NFIB: variants seen among roughly 807,000 people sequenced by gnomAD.
NFIB encodes the protein nuclear factor I B.
A neutral mutation model predicts 61.5 loss-of-function variants in NFIB; 11 were observed. That is an observed-to-expected ratio of 0.18 (90% CI 0.11 to 0.30). The LOEUF (loss-of-function observed/expected upper bound fraction) is 0.30, where lower values mean the gene tolerates loss of function less well. NFIB is among the 10% of genes least tolerant of loss of function. The pLI is 1.00. For missense variants in NFIB, 471 were observed against 608.9 expected (o/e 0.77, Z 2.38); for synonymous variants, 260 against 216.5 (o/e 1.20, Z -1.76).
intron 2 of NFIB, among the ~76,000 whole-genome samples, chr9:14,189,565 T>G (rs1453604889): frequency 1.3e-5 from 2 of 150,186 alleles, no homozygotes; most frequent in African/African-American, 2.4e-5. Flanking sequence ...TTTAATGTTC[T>G]TTAAGGTTTA....
At chr9:14,285,022 T>C (rs768322647) in intron 2 of NFIB, among the ~76,000 whole-genome samples, 4 of 152,238 alleles carry the variant, frequency 2.6e-5, no homozygotes, top group Non-Finnish European at 5.9e-5. Flanking sequence ...AAAGACTGCT[T>C]AGTTTAAAAG....
chr9:14,476,116 ATCTG>A, the NFIB span, among the ~76,000 whole-genome samples: 2 of 152,198 alleles, frequency 1.3e-5, no homozygotes, highest in African/African-American at 4.8e-5. Context: ...TCAATAGTCT[ATCTG>A]TGAGAATTCT....
At chr9:14,218,227 C>A (rs2131804338) in intron 2 of NFIB, among the ~76,000 whole-genome samples, 1 of 152,312 alleles carries the variant, frequency 6.6e-6, no homozygotes, top group South Asian at 2.1e-4. Context: ...CAGACATTAT[C>A]ACCATATTGA....
chr9:14,438,536 A>T, the NFIB span, among the ~76,000 whole-genome samples: 5 of 152,206 alleles, frequency 3.3e-5, no homozygotes, highest in African/African-American at 9.6e-5. Flanking sequence ...CAAGTCAGAA[A>T]TCTTGCTGTG....
At chr9:14,339,660 C>G (rs1564017650) in intron 1 of NFIB, among the ~76,000 whole-genome samples, 1 of 152,190 alleles carries the variant, frequency 6.6e-6, no homozygotes, top group Non-Finnish European at 1.5e-5. Context: ...AGAACTAACA[C>G]TGACCCCAGC....
the NFIB span, among the ~76,000 whole-genome samples, chr9:14,444,076 A>G: frequency 6.6e-6 from 1 of 152,166 alleles, no homozygotes; most frequent in African/African-American, 2.4e-5. Context: ...TTCTAAGCAT[A>G]TTTATGATTT....
In NFIB at chr9:14,280,659, A is replaced by T. The variant is rs372589835; in HGVS notation, c.562+26330T>A. Among the ~76,000 whole-genome samples the T allele has an allele frequency of 5.3e-5, 8 of 152,314 alleles. No homozygotes were observed. In the East Asian group the frequency reaches 1.4e-3, roughly 26 times the overall value. On this transcript the variant is annotated intron_variant, in intron 2 of 10. Transcript: ENST00000380953. ...AGGGAATTCCACTTCCACAGGAGAC[A>T]ACGTTAGGCAAGGGGGGACTCAGGA...
At chr9:14,353,280 G>T (rs2061136014) in intron 1 of NFIB, among the ~76,000 whole-genome samples, 1 of 152,070 alleles carries the variant, frequency 6.6e-6, no homozygotes, top group African/African-American at 2.4e-5. Context: ...AAAGGGGAGG[G>T]ATATTAGAGG....
At position 14,213,794 on chromosome 9, in the gene NFIB, G is replaced by A. The variant is rs554599058; in HGVS notation, c.563-34014C>T. Reference sequence around the variant, plus strand: ...CTTTCCTGATACCCCAAGCTGCTGGGCTGAGTTTTATGTCCCTCATCTGTG... The same window carrying A: ...CTTTCCTGATACCCCAAGCTGCTGGACTGAGTTTTATGTCCCTCATCTGTG... On this transcript the variant is annotated intron_variant, in intron 2 of 10. Transcript: ENST00000380953. Among the ~76,000 whole-genome samples the A allele has an allele frequency of 7.9e-5, 12 of 152,216 alleles. No individual in the cohort carries two copies. In the South Asian group the frequency reaches 1.7e-3, roughly 21 times the overall value.
the NFIB span, among the ~76,000 whole-genome samples, chr9:14,446,620 G>A: frequency 6.6e-6 from 1 of 151,928 alleles, no homozygotes; most frequent in African/African-American, 2.4e-5. Flanking sequence ...ATAATAATAT[G>A]ACTTGAAAAC....
the NFIB span, among the ~76,000 whole-genome samples, chr9:14,436,909 A>G: frequency 6.6e-6 from 1 of 152,094 alleles, no homozygotes; most frequent in Non-Finnish European, 1.5e-5. Flanking sequence ...TAGAGATAAT[A>G]TATGAGCTGG....
At chr9:14,483,649 C>T in the NFIB span, among the ~76,000 whole-genome samples, 1 of 152,108 alleles carries the variant, frequency 6.6e-6, no homozygotes, top group Non-Finnish European at 1.5e-5. Context: ...ATTCTTAGCG[C>T]AGTACCCGGC....
At chr9:14,294,452 TC>T (rs2059294214) in intron 2 of NFIB, among the ~76,000 whole-genome samples, 1 of 152,230 alleles carries the variant, frequency 6.6e-6, no homozygotes, top group Admixed American at 6.5e-5. Flanking sequence ...AGACATCATA[TC>T]AAATCTTTCT....
chr9:14,304,655 A>T (rs1342778712), intron 2 of NFIB, among the ~76,000 whole-genome samples: 1 of 152,082 alleles, frequency 6.6e-6, no homozygotes, highest in Non-Finnish European at 1.5e-5. Context: ...CTCTTTTCTG[A>T]TTTTTCTTTC....
At chr9:14,217,008 T>C (rs1382003640) in intron 2 of NFIB, among the ~76,000 whole-genome samples, 1 of 152,224 alleles carries the variant, frequency 6.6e-6, no homozygotes, top group Non-Finnish European at 1.5e-5. Context: ...GTTTGAACAG[T>C]GTCTACTAGG....
chr9:14,252,967 A>AAGGG (rs373082936), intron 2 of NFIB, among the ~76,000 whole-genome samples: 2,339 of 137,346 alleles, frequency 0.017, 64 homozygotes, highest in African/African-American at 0.057. Context: ...GGAAGGAAGG[A>AAGGG]AGGGAGGGAG....
chr9:14,229,544 T>G (rs117484771), intron 2 of NFIB, among the ~76,000 whole-genome samples: 6 of 152,192 alleles, frequency 3.9e-5, no homozygotes, highest in Admixed American at 2.6e-4. Context: ...AAATAATGTA[T>G]GTAAAGTTTG....
intron 1 of NFIB, among the ~76,000 whole-genome samples, chr9:14,363,635 A>G (rs2061266449): frequency 8.1e-6 from 1 of 123,612 alleles, no homozygotes; most frequent in Non-Finnish European, 1.7e-5. Context: ...GTGTACATAT[A>G]CATATATATG....
At position 14,195,553 on chromosome 9, in the gene NFIB, T is replaced by G. The variant is rs181298399; in HGVS notation, c.563-15773A>C. Among the ~76,000 whole-genome samples, 683 of 152,340 alleles carry G rather than the reference T, an allele frequency of 4.5e-3. 4 individuals carry two copies. The highest frequency in any genetic ancestry group is 0.01 in the African/African-American group (418 of 41,564). ...CGACTTTTATTGTGTTGCCACTTCA[T>G]TCTTGTTTATTTAGGTTTCTTTATT... On this transcript the variant is annotated intron_variant, in intron 2 of 10. Transcript: ENST00000380953.
Sources: gnomAD v4.1 joint callset for allele counts (sites outside exome capture counted in the v4.1 genomes callset) on GRCh38, gnomAD v4.1.1 for gene constraint, MANE v1.5 for transcripts, NCBI Gene and HGNC (gene_info 2026-07-23, HGNC 2026-07-21) for gene names.